PCDH11X: variants seen among roughly 807,000 people sequenced by gnomAD.
PCDH11X encodes the protein protocadherin 11 X-linked.
In PCDH11X, 18 loss-of-function variants were observed where a neutral mutation model predicts 53.3. The observed-to-expected ratio is 0.34, with a 90% CI of 0.23 to 0.50. The LOEUF is 0.50. Among genes scored for constraint, PCDH11X ranks in the 20% least tolerant of loss-of-function variants. The pLI is 0.98. For synonymous variants in PCDH11X, 279 were observed against 393.3 expected (o/e 0.71, Z 3.44); for missense variants, 570 against 1,032.4 (o/e 0.55, Z 6.14).
chrX:92,077,696 T>A lies in PCDH11X; in HGVS notation c.3034-123679T>A, dbSNP rs193181252. Reference sequence around the variant, plus strand: ...CAGACATCAAGTACAAACAAACTCATCACATAAATCTCACTTCAATTATAT... The same window carrying A: ...CAGACATCAAGTACAAACAAACTCAACACATAAATCTCACTTCAATTATAT... On this transcript the variant is annotated intron_variant, in intron 6 of 10. Coordinates refer to ENST00000682573, the MANE Select transcript of PCDH11X (RefSeq NM_032968.5). Among the ~76,000 whole-genome samples the A allele has an allele frequency of 2.7e-5, 3 of 110,075 alleles. No individual in the cohort carries two copies. In the East Asian group the frequency reaches 8.7e-4, roughly 32 times the overall value.
chrX:92,026,546 C>A (rs2525314), intron 6 of PCDH11X, among the ~76,000 whole-genome samples: 33,642 of 104,116 alleles, frequency 0.32, 6,731 homozygotes, highest in African/African-American at 0.63. Context: ...ATAGGGGTTT[C>A]ACAAGTGATG....
intron 6 of PCDH11X, among the ~76,000 whole-genome samples, chrX:92,105,944 T>C (rs1310149786): frequency 4.5e-5 from 5 of 111,548 alleles, no homozygotes; most frequent in Non-Finnish European, 9.4e-5. Context: ...ATCATTCTTA[T>C]TAGTTTCTCA....
At chrX:92,615,416 G>T (rs756723254) in intron 10 of PCDH11X, among the ~76,000 whole-genome samples, 6 of 111,582 alleles carry the variant, frequency 5.4e-5, no homozygotes, top group African/African-American at 2.0e-4. Flanking sequence ...AATGGCATAC[G>T]CAAGTCAGTT....
At chrX:91,839,187 A>G (rs1167172877) in intron 5 of PCDH11X, among the ~76,000 whole-genome samples, 1 of 110,558 alleles carries the variant, frequency 9.0e-6, no homozygotes, top group Non-Finnish European at 1.9e-5. Context: ...TTATCATCAT[A>G]TGACTGGTAA....
rs780671776 is a variant in PCDH11X at position 92,472,686 on chromosome X, G to A, written c.3367+4364G>A. On this transcript the variant is annotated intron_variant, in intron 10 of 10. Coordinates refer to ENST00000682573, the MANE Select transcript of PCDH11X (RefSeq NM_032968.5). ...TGTCATTGATAATTTAATAGGAATA[G>A]CATTGAATGTATACATTGTTTTAGG... Among the ~76,000 whole-genome samples the A allele has an allele frequency of 1.9e-4, 21 of 110,217 alleles. No individual in the cohort carries two copies. The East Asian group carries it at 3.4e-3, about 18-fold the overall frequency.
intron 9 of PCDH11X, among the ~76,000 whole-genome samples, chrX:92,391,682 T>A (rs758309389): frequency 1.3e-3 from 146 of 111,530 alleles, no homozygotes; most frequent in Non-Finnish European, 2.4e-3. Context: ...ATACTCTATG[T>A]TTATGAAGCC....
At chrX:92,399,863 T>C (rs1273914904) in intron 9 of PCDH11X, among the ~76,000 whole-genome samples, 1 of 108,394 alleles carries the variant, frequency 9.2e-6, no homozygotes, top group African/African-American at 3.4e-5. Flanking sequence ...TGCCTCAGCC[T>C]CTCGAGTAGC....
chrX:92,054,717 G>C (rs1434103515), intron 6 of PCDH11X, among the ~76,000 whole-genome samples: 2 of 108,052 alleles, frequency 1.9e-5, no homozygotes, highest in Admixed American at 2.0e-4. Context: ...CTACTCGGGA[G>C]GCTGAGGCAG....
At chrX:92,025,903 T>C (rs1331578104) in intron 6 of PCDH11X, among the ~76,000 whole-genome samples, 1 of 109,154 alleles carries the variant, frequency 9.2e-6, no homozygotes, top group East Asian at 2.9e-4. Flanking sequence ...TGCAGGAATA[T>C]AGATGAAGCT....
chrX:92,307,238 C>T (rs1208494097), intron 8 of PCDH11X, among the ~76,000 whole-genome samples: 2 of 108,575 alleles, frequency 1.8e-5, no homozygotes, highest in Non-Finnish European at 3.8e-5. Context: ...CCAAATTCAG[C>T]CACATATTTA....
intron 6 of PCDH11X, among the ~76,000 whole-genome samples, chrX:91,979,361 A>C (rs977840632): frequency 2.8e-5 from 3 of 107,883 alleles, no homozygotes; most frequent in Non-Finnish European, 5.7e-5. Flanking sequence ...CAAGACAAGA[A>C]AGAGTAACGG....
chrX:92,293,622 C>CA (rs10685775), intron 8 of PCDH11X, among the ~76,000 whole-genome samples: 5,017 of 55,375 alleles, frequency 0.091, 410 homozygotes, highest in East Asian at 0.35. Flanking sequence ...GACTCCGTCT[C>CA]AAAAAAAAAA....
chrX:92,326,639 T>TATATATATATATATATATATATATAG (rs758088746), intron 8 of PCDH11X, among the ~76,000 whole-genome samples: 6 of 39,307 alleles, frequency 1.5e-4, no homozygotes, highest in Admixed American at 4.2e-4. Context: ...TATATATATA[T>TATATATATATATATATATATATATAG]AGAGAGAGAG....
chrX:92,216,187 G>A (rs992531092), intron 7 of PCDH11X, among the ~76,000 whole-genome samples: 3 of 110,597 alleles, frequency 2.7e-5, no homozygotes, highest in East Asian at 2.9e-4. Context: ...CACCAGCAAC[G>A]GAACAAAGCT....
chrX:91,987,678 A>G (rs2062248117), intron 6 of PCDH11X, among the ~76,000 whole-genome samples: 1 of 111,171 alleles, frequency 9.0e-6, no homozygotes, highest in Non-Finnish European at 1.9e-5. Flanking sequence ...TTATGGAAAC[A>G]CTCATTTTCA....
chrX:92,236,018 A>G (rs2067165148), intron 7 of PCDH11X, among the ~76,000 whole-genome samples: 1 of 112,001 alleles, frequency 8.9e-6, no homozygotes, highest in Admixed American at 9.6e-5. Flanking sequence ...TATAATTGTA[A>G]TAAAAATTAT....
At chrX:92,253,385 A>G (rs1490054290) in intron 7 of PCDH11X, among the ~76,000 whole-genome samples, 1 of 111,465 alleles carries the variant, frequency 9.0e-6, no homozygotes, top group African/African-American at 3.3e-5. Flanking sequence ...TAATTCCTCC[A>G]CTTTTCTTTT....
intron 10 of PCDH11X, among the ~76,000 whole-genome samples, chrX:92,587,488 T>C (rs1407345488): frequency 1.8e-5 from 2 of 109,374 alleles, no homozygotes; most frequent in African/African-American, 3.3e-5. Context: ...AATAGATAGT[T>C]CTCAAAAGTA....
In PCDH11X at chrX:91,814,088, T is replaced by C. The variant is rs189645528; in HGVS notation, c.-45+2793T>C. Among the ~76,000 whole-genome samples the C allele has an allele frequency of 2.7e-3, 272 of 101,447 alleles. 1 individual carries two copies. Among genetic ancestry groups the C allele is most frequent in the African/African-American group, 8.7e-3 (260 of 29,738 alleles). The allele number at this position is 101,447 out of a possible 115,157, so 88.1% of individuals were successfully genotyped here. On this transcript the variant is annotated intron_variant, in intron 4 of 10. Transcript: ENST00000682573. ...AAATGCACTTGATTTTGTGAGGTGT[T>C]TGCTTTAATATTTTCAACACAGTGC...
Sources: allele counts gnomAD v4.1 joint callset (sites outside exome capture counted in the v4.1 genomes callset), GRCh38; gene constraint gnomAD v4.1.1; transcripts MANE v1.5; gene names NCBI Gene and HGNC (gene_info 2026-07-23, HGNC 2026-07-21).